MTRR: variants seen among roughly 807,000 people sequenced by gnomAD.
MTRR encodes the protein methionine synthase reductase.
In MTRR, 63 loss-of-function variants were observed where a neutral mutation model predicts 79.2. The ratio of observed to expected loss-of-function variants is 0.80; its 90% CI spans 0.65 to 0.98. MTRR has a LOEUF of 0.98. Among genes scored for constraint, MTRR ranks in the 50% least tolerant of loss-of-function variants. The pLI is 0.00. For synonymous variants in MTRR, 355 were observed against 313.3 expected, an observed-to-expected ratio of 1.13 and a Z score of -1.41; for missense variants, 895 against 839.6, an observed-to-expected ratio of 1.07 and a Z score of -0.82.
intron 11 of MTRR, chr5:7,893,605 AGTT>A (rs1738019337): frequency 6.6e-6 from 1 of 152,320 alleles, no homozygotes; most frequent in Non-Finnish European, 1.5e-5. Flanking sequence ...AACAGTTTAA[AGTT>A]GTCCACAAGA....
intron 8 of MTRR, among the ~76,000 whole-genome samples, chr5:7,887,793 C>CATATATACATACATATAT (rs1491410388): frequency 2.2e-5 from 2 of 92,052 alleles, no homozygotes; most frequent in Admixed American, 2.5e-4. Flanking sequence ...TGTGTGTGTG[C>CATATATACATACATATAT]ATATATATAT....
At chr5:7,875,216 T>G (rs1748671175) in intron 3 of MTRR, 42 bp from the exon 4 acceptor site, 1 of 1,335,664 alleles carries the variant, frequency 7.5e-7, no homozygotes, top group Non-Finnish European at 1.1e-6. Flanking sequence ...GTCCTTAAAT[T>G]TAAACTTTAT....
At chr5:7,893,616 A>G (rs1232454644) in intron 11 of MTRR, 1 of 152,334 alleles carries the variant, frequency 6.6e-6, no homozygotes, top group Non-Finnish European at 1.5e-5. Flanking sequence ...GTTGTCCACA[A>G]GAATGGTTGA....
chr5:7,870,682 A>G lies in MTRR; in HGVS notation c.-25-88A>G. 6.4e-6 allele frequency: 9 copies of G among 1,413,946 alleles called. No homozygotes were observed. In the South Asian group the frequency reaches 1.1e-4, roughly 17 times the overall value. 87.6% of individuals were successfully genotyped at this position (1,413,946 alleles called of 1,614,324 possible). ...TCATATTATGTGTGGGTATTGTTGC[A>G]TTGTTTCTTAAAGATTGAGGGAGAA... On this transcript the variant is annotated intron_variant, in intron 1 of 14. Transcript: ENST00000440940.
At chr5:7,867,191 T>C (rs781701498), upstream of MTRR, 2 of 1,614,198 alleles carry the variant, frequency 1.2e-6, no homozygotes, top group Admixed American at 3.3e-5. Flanking sequence ...AGTGAGCATT[T>C]GGCTAATCAA....
At chr5:7,869,582 G>C (rs1747513622) in intron 1 of MTRR, 1 of 271,888 alleles carries the variant, frequency 3.7e-6, no homozygotes, top group South Asian at 3.6e-5. Flanking sequence ...CGCGCTCCGG[G>C]GAACCCGGGA....
Position 7,885,794 on chromosome 5 carries a change from C to T in MTRR, c.997C>T (p.Leu333Phe), listed in dbSNP as rs10064631. The change falls in exon 7 of 15, where the codon CTT (leucine) becomes TTT (phenylalanine). Residue 333 changes from leucine (L) to phenylalanine (F), a missense_variant. Transcript: ENST00000440940. The stretch of plus-strand genomic sequence containing the variant: ...ACAAAGCCTACTCCAAAGACTGCAG[C>T]TTGAAGATAAAAGAGAGCACTGCGT... ...EVQSLLQRLQ[L>F]EDKREHCVLL... The T allele has an allele frequency of 2.0e-5, 32 of 1,613,772 alleles. No homozygotes were observed. Among genetic ancestry groups the T allele is most frequent in the Non-Finnish European group, 3.4e-6 (4 of 1,179,994 alleles).
In MTRR at chr5:7,878,656, G is replaced by A. The variant is rs572657306; in HGVS notation, c.780+334G>A. On this transcript the variant is annotated intron_variant, in intron 5 of 14. Coordinates refer to ENST00000440940, the MANE Select transcript of MTRR (RefSeq NM_002454.3). ...TATTATTACTTCTGTATTTGAAGAA[G>A]TAGATAAGAACTCAGTTTCATCATT... Among the ~76,000 whole-genome samples the A allele has an allele frequency of 6.3e-4, 96 of 152,366 alleles. 1 individual carries two copies. The highest frequency in any genetic ancestry group is 2.2e-3 in the African/African-American group (92 of 41,578).
At chr5:7,852,171 T>C (rs1174279495) in intron 1 of MTRR, among the ~76,000 whole-genome samples, 2 of 152,140 alleles carry the variant, frequency 1.3e-5, no homozygotes, top group Admixed American at 6.5e-5. Flanking sequence ...ATCTTACAGA[T>C]GATGGAAGGA....
intron 1 of MTRR, among the ~76,000 whole-genome samples, chr5:7,854,743 C>G (rs1214513202): frequency 1.3e-5 from 2 of 152,144 alleles, no homozygotes. Context: ...GACGTAGAGC[C>G]AAACCATATC....
At chr5:7,886,804 A>C (rs925367083) in intron 8 of MTRR, 101 bp downstream of exon 8, 186 of 927,436 alleles carry the variant, frequency 2.0e-4, no homozygotes, top group Non-Finnish European at 2.7e-4. Flanking sequence ...CAGTCTTAAA[A>C]AATGTGATCT....
intron 3 of MTRR, among the ~76,000 whole-genome samples, chr5:7,874,019 C>T (rs1220765410): frequency 1.3e-5 from 2 of 152,190 alleles, no homozygotes; most frequent in Non-Finnish European, 2.9e-5. Context: ...AGGCCCACCT[C>T]CAGTGATTCT....
At chr5:7,855,339 G>C (rs1041803642) in intron 1 of MTRR, among the ~76,000 whole-genome samples, 3 of 150,970 alleles carry the variant, frequency 2.0e-5, no homozygotes, top group African/African-American at 7.3e-5. Context: ...AAGAAAAAAA[G>C]CTTATCAATT....
chr5:7,860,773 T>C (rs1746481347), intron 1 of MTRR, among the ~76,000 whole-genome samples: 1 of 152,172 alleles, frequency 6.6e-6, no homozygotes, highest in African/African-American at 2.4e-5. Flanking sequence ...TTAAGCAAAA[T>C]TTAACTTGGG....
chr5:7,892,484 C>T (rs1195016420), intron 10 of MTRR, among the ~76,000 whole-genome samples: 1 of 152,080 alleles, frequency 6.6e-6, no homozygotes, highest in Non-Finnish European at 1.5e-5. Context: ...TTATAAATAT[C>T]ATCTAGTCCT....
chr5:7,879,346 A>C (rs1211024288), intron 5 of MTRR, among the ~76,000 whole-genome samples: 1 of 151,718 alleles, frequency 6.6e-6, no homozygotes, highest in African/African-American at 2.4e-5. Context: ...TAGGAGTTTT[A>C]AATTAGCCGG....
chr5:7,900,208 T>C lies in MTRR; in HGVS notation c.*150T>C, dbSNP rs1739261991. On this transcript the variant is annotated 3_prime_UTR_variant, in exon 15 of 15. Transcript: ENST00000440940. ...GAGTGGAGATTGGATCATTTAACAA[T>C]ATAACAAAACTTCCTGATTTGATTT... 1.1e-6 allele frequency: 1 copy of C among 875,718 alleles called. No individual in the cohort carries two copies. Among genetic ancestry groups the C allele is most frequent in the African/African-American group, 1.7e-5 (1 of 58,446 alleles). 54.2% of individuals were successfully genotyped at this position (875,718 alleles called of 1,614,324 possible).
intron 2 of MTRR, 140 bp downstream of exon 2, chr5:7,871,063 A>G: frequency 2.0e-6 from 2 of 1,013,592 alleles, no homozygotes; most frequent in East Asian, 2.4e-5. Flanking sequence ...TCAATGGTAT[A>G]GTAAGATATC....
chr5:7,896,487 G>A lies in MTRR; in HGVS notation c.1677-377G>A, dbSNP rs150034344. ...GTCTCATCAGTGTGTTCACCATTTC[G>A]TAGACACTTTACACATTCTGCCTTT... On this transcript the variant is annotated intron_variant, in intron 12 of 14. Coordinates refer to ENST00000440940, the MANE Select transcript of MTRR (RefSeq NM_002454.3). 2.0e-3 allele frequency: 575 copies of A among 283,152 alleles called. 7 individuals carry two copies. The highest frequency in any genetic ancestry group is 0.012 in the African/African-American group (543 of 45,344). 17.5% of individuals were successfully genotyped at this position (283,152 alleles called of 1,614,324 possible).
Sources: gnomAD v4.1 joint callset for allele counts (sites outside exome capture counted in the v4.1 genomes callset) on GRCh38, gnomAD v4.1.1 for gene constraint, MANE v1.5 for transcripts, NCBI Gene and HGNC (gene_info 2026-07-23, HGNC 2026-07-21) for gene names.